The following JAKMIP1 variants were observed in gnomAD, a reference collection of about 807,000 sequenced individuals.
JAKMIP1 encodes the protein janus kinase and microtubule-interacting protein 1.
In JAKMIP1, 33 loss-of-function variants were observed where a neutral mutation model predicts 113.0. The ratio of observed to expected loss-of-function variants is 0.29; its 90% CI spans 0.22 to 0.39. The LOEUF (loss-of-function observed/expected upper bound fraction) is 0.39, where lower values mean the gene tolerates loss of function less well. Among genes scored for constraint, JAKMIP1 ranks in the 10% least tolerant of loss-of-function variants. The pLI is 1.00. For synonymous variants in JAKMIP1, 480 were observed against 459.9 expected (o/e 1.04, Z -0.56); for missense variants, 813 against 1,080.5 (o/e 0.75, Z 3.47).
chr4:6,092,330 C>T (rs1722171429), intron 3 of JAKMIP1, among the ~76,000 whole-genome samples: 1 of 152,190 alleles, frequency 6.6e-6, no homozygotes, highest in African/African-American at 2.4e-5. Context: ...CCTAGATCTC[C>T]TTCCTGTGCT....
At chr4:6,038,484 T>G (rs2108753041) in intron 18 of JAKMIP1, among the ~76,000 whole-genome samples, 1 of 149,386 alleles carries the variant, frequency 6.7e-6, no homozygotes, top group Non-Finnish European at 1.5e-5. Flanking sequence ...AGGCAGAGGT[T>G]AACCCAGTAG....
rs1036364969 is a variant in JAKMIP1 at position 6,176,580 on chromosome 4, G to T, written c.-148+23673C>A. Among the ~76,000 whole-genome samples, 1 of 152,184 alleles carries T rather than the reference G, an allele frequency of 6.6e-6. No individual in the cohort carries two copies. The highest frequency in any genetic ancestry group is 1.5e-5 in the Non-Finnish European group (1 of 68,034). On this transcript the variant is annotated intron_variant, in intron 1 of 20. Transcript: ENST00000409021. This position sits in a 1 kb window ranked among gnomAD's most constrained non-coding sequence, Gnocchi z 5.5. ...GACACACTCAGAATGGGGCAATGGG[G>T]TCAGGGAATTAAGGGCTGGGAGATA...
chr4:6,171,598 C>G (rs556832077), intron 1 of JAKMIP1, among the ~76,000 whole-genome samples: 298 of 151,574 alleles, frequency 2.0e-3, no homozygotes, highest in African/African-American at 6.9e-3. Flanking sequence ...GATCCCCCCC[C>G]AAGTATGTGT....
chr4:6,090,880 C>T (rs1343662074), intron 3 of JAKMIP1, among the ~76,000 whole-genome samples: 1 of 151,850 alleles, frequency 6.6e-6, no homozygotes, highest in Non-Finnish European at 1.5e-5. Context: ...TGTCAAAACC[C>T]CACGTTGACC....
chr4:6,115,978 G>C (rs1715711048), intron 1 of JAKMIP1, among the ~76,000 whole-genome samples: 1 of 152,146 alleles, frequency 6.6e-6, no homozygotes, highest in African/African-American at 2.4e-5. Context: ...CCAGCCCAAA[G>C]TCCAAGCTCG....
chr4:6,148,882 AG>A (rs1161531728), intron 1 of JAKMIP1, among the ~76,000 whole-genome samples: 4 of 152,252 alleles, frequency 2.6e-5, no homozygotes, highest in Non-Finnish European at 5.9e-5. Flanking sequence ...ACAGGCATGT[AG>A]AAAAAAGGAG....
intron 1 of JAKMIP1, among the ~76,000 whole-genome samples, chr4:6,126,105 CACAA>C (rs1408288263): frequency 2.0e-5 from 3 of 147,072 alleles, no homozygotes; most frequent in Non-Finnish European, 3.0e-5. Flanking sequence ...AACACACACA[CACAA>C]ACACACACCA....
In JAKMIP1 at chr4:6,154,864, A is replaced by G. The variant is rs1236761153; in HGVS notation, c.-147-41867T>C. ...GCTCCTATTCATTCCTCGAAGGCCTATTCATCCATCGCCTCCCACAGGAAG... is the reference window on the plus strand; with the variant it reads ...GCTCCTATTCATTCCTCGAAGGCCTGTTCATCCATCGCCTCCCACAGGAAG... On this transcript the variant is annotated intron_variant, in intron 1 of 20. Transcript: ENST00000409021. The surrounding 1 kb of genome is among the most constrained non-coding windows in gnomAD (Gnocchi z 4.2). Among the ~76,000 whole-genome samples, 1 of 151,968 alleles carries G rather than the reference A, an allele frequency of 6.6e-6. No homozygotes were observed. The highest frequency in any genetic ancestry group is 1.5e-5 in the Non-Finnish European group (1 of 68,002).
intron 2 of JAKMIP1, among the ~76,000 whole-genome samples, chr4:6,111,798 T>C (rs1349169084): frequency 6.6e-6 from 1 of 152,344 alleles, no homozygotes; most frequent in East Asian, 1.9e-4. Flanking sequence ...AAGTAGCTCA[T>C]ATCGCAGAAC....
Position 6,116,277 on chromosome 4 carries a change from A to G in JAKMIP1, c.-147-3280T>C, listed in dbSNP as rs954068616. Reference sequence around the variant, plus strand: ...CTGCGGGCTGCCCAAAGGTCTCATCAGCAGGAGCAACAGCAGGGAACTCTC... The same window carrying G: ...CTGCGGGCTGCCCAAAGGTCTCATCGGCAGGAGCAACAGCAGGGAACTCTC... On this transcript the variant is annotated intron_variant, in intron 1 of 20. Coordinates refer to ENST00000409021, the MANE Select transcript of JAKMIP1 (RefSeq NM_001099433.2). The surrounding 1 kb of genome is among the most constrained non-coding windows in gnomAD (Gnocchi z 5.1). Among the ~76,000 whole-genome samples the G allele has an allele frequency of 6.6e-5, 10 of 152,066 alleles. No homozygotes were observed. Among genetic ancestry groups the G allele is most frequent in the African/African-American group, 1.7e-4 (7 of 41,394 alleles).
In JAKMIP1 at chr4:6,187,990, G is replaced by A. The variant is rs1330299673; in HGVS notation, c.-148+12263C>T. On this transcript the variant is annotated intron_variant, in intron 1 of 20. Transcript: ENST00000409021. This position sits in a 1 kb window ranked among gnomAD's most constrained non-coding sequence, Gnocchi z 4.2. ...GTTTGCCATGTAAGTCAGGAGCAAG[G>A]ACTTCAAAGAGGTATTTCTTTTAAA... 6.6e-6 allele frequency among the ~76,000 whole-genome samples: 1 copy of A among 152,166 alleles called. No homozygotes were observed. The highest frequency in any genetic ancestry group is 1.5e-5 in the Non-Finnish European group (1 of 68,028).
intron 1 of JAKMIP1, among the ~76,000 whole-genome samples, chr4:6,174,797 G>A (rs1173684419): frequency 3.4e-5 from 5 of 146,234 alleles, no homozygotes; most frequent in African/African-American, 1.3e-4. Flanking sequence ...CCAGCTCCCA[G>A]GTGACCCCGT....
rs56874913 is a variant in JAKMIP1, at chr4:6,084,967, TAAAAAAAAAAAAAAAAA to T, written c.835-19_835-3del. 5 of 377,776 alleles carry T rather than the reference TAAAAAAAAAAAAAAAAA, an allele frequency of 1.3e-5. No homozygotes were observed. The Admixed American group carries it at 6.7e-4, about 50-fold the overall frequency. The allele number at this position is 377,776 out of a possible 1,614,324, so 23.4% of individuals were successfully genotyped here. A position where few individuals can be genotyped will look rare whatever the true frequency, so the allele number is the denominator to read the frequency against. On this transcript the variant is annotated splice_region_variant and splice_polypyrimidine_tract_variant and intron_variant, in intron 4 of 20. Transcript: ENST00000409021. The stretch of plus-strand genomic sequence containing the variant: ...ATCTCGCTCGTCCATATGTTGATCC[TAAAAAAAAAAAAAAAAA>T]AAAAAAAAAAGTCAAGACGTAAATG...
intron 13 of JAKMIP1, among the ~76,000 whole-genome samples, chr4:6,052,706 G>A (rs1212109439): frequency 6.6e-6 from 1 of 150,694 alleles, no homozygotes; most frequent in Non-Finnish European, 1.5e-5. Context: ...CTGAAGGATG[G>A]TGGAGACCAT....
rs529135037 is a variant in JAKMIP1, at chr4:6,186,830, T to G, written c.-148+13423A>C. Among the ~76,000 whole-genome samples, 1 of 152,172 alleles carries G rather than the reference T, an allele frequency of 6.6e-6. No homozygotes were observed. The highest frequency in any genetic ancestry group is 1.5e-5 in the Non-Finnish European group (1 of 68,032). On this transcript the variant is annotated intron_variant, in intron 1 of 20. Transcript: ENST00000409021. This position sits in a 1 kb window ranked among gnomAD's most constrained non-coding sequence, Gnocchi z 5.5. ...TTTCTCCCTTCACTTCTGTCAGGTT[T>G]TTTGTTTGTTTGTTTGAGACAGTCT... is the stretch of plus-strand genomic sequence containing the variant.
At chr4:6,103,792 G>A (rs1229303757) in intron 3 of JAKMIP1, among the ~76,000 whole-genome samples, 3 of 152,164 alleles carry the variant, frequency 2.0e-5, no homozygotes, top group Admixed American at 2.0e-4. Context: ...GGTATATGCT[G>A]TTTGCTGTGG....
chr4:6,081,154 C>A lies in JAKMIP1; in HGVS notation c.1101+455G>T, dbSNP rs1474487640. Among the ~76,000 whole-genome samples, 3 of 152,150 alleles carry A rather than the reference C, an allele frequency of 2.0e-5. No homozygotes were observed. ...AAACTGTCAACTACAAGACGCCTGC[C>A]CTGACCACAAACACCAGGCATCCTA... On this transcript the variant is annotated intron_variant, in intron 6 of 20. Transcript: ENST00000409021. This position sits in a 1 kb window ranked among gnomAD's most constrained non-coding sequence, Gnocchi z 4.6.
intron 8 of JAKMIP1, among the ~76,000 whole-genome samples, chr4:6,073,088 A>T (rs1415015911): frequency 1.3e-5 from 2 of 151,704 alleles, no homozygotes; most frequent in South Asian, 4.2e-4. Flanking sequence ...AAAAAAAAAA[A>T]AAAAAAAAAG....
At position 6,048,845 on chromosome 4, in the gene JAKMIP1, G is replaced by T; in HGVS notation, c.2028+12C>A. 6.2e-7 allele frequency: 1 copy of T among 1,610,112 alleles called. No individual in the cohort carries two copies. Among genetic ancestry groups the T allele is most frequent in the Non-Finnish European group, 8.5e-7 (1 of 1,176,412 alleles). ...GACAAGGTGTGAGCACAGAAATGCC[G>T]CTGGCTTCTACCTTTTCACACAGGG... is the stretch of plus-strand genomic sequence containing the variant. On this transcript the variant is annotated intron_variant, in intron 16 of 20. Coordinates refer to ENST00000409021, the MANE Select transcript of JAKMIP1 (RefSeq NM_001099433.2).
Sources: gnomAD v4.1 joint callset for allele counts (sites outside exome capture counted in the v4.1 genomes callset) on GRCh38, gnomAD v4.1.1 for gene constraint, Gnocchi (gnomAD v3.1) non-coding constraint, MANE v1.5 for transcripts, NCBI Gene and HGNC (gene_info 2026-07-23, HGNC 2026-07-21) for gene names.